Variants in DPP10 observed in about 807,000 individuals in gnomAD.
DPP10 encodes dipeptidyl peptidase like 10, also known as inactive dipeptidyl peptidase 10.
A neutral mutation model predicts 120.9 loss-of-function variants in DPP10; 33 were observed. That is an observed-to-expected ratio of 0.27 (90% CI 0.21 to 0.37). The LOEUF is 0.37. Among genes scored for constraint, DPP10 ranks in the 10% least tolerant of loss-of-function variants. The pLI is 1.00. For synonymous variants in DPP10, 337 were observed against 326.1 expected (o/e 1.03, Z -0.36); for missense variants, 816 against 942.8 (o/e 0.87, Z 1.76).
At chr2:115,493,721 G>A (rs2076247095) in intron 3 of DPP10, among the ~76,000 whole-genome samples, 1 of 152,064 alleles carries the variant, frequency 6.6e-6, no homozygotes, top group African/African-American at 2.4e-5. Context: ...ATTAAACATG[G>A]GGGAAGAACA....
At chr2:115,798,636 A>G (rs1684813296) in intron 19 of DPP10, among the ~76,000 whole-genome samples, 1 of 152,148 alleles carries the variant, frequency 6.6e-6, no homozygotes. Flanking sequence ...GTAATGTGCA[A>G]AGTTCCCTAC....
intron 1 of DPP10, among the ~76,000 whole-genome samples, chr2:114,799,597 T>C (rs12472049): frequency 0.056 from 8,467 of 152,268 alleles, 273 homozygotes; most frequent in South Asian, 0.1. Flanking sequence ...AATTTAATTA[T>C]GGAAAGGGGG....
chr2:114,529,497 G>A (rs150826726), intron 1 of DPP10, among the ~76,000 whole-genome samples: 32 of 152,220 alleles, frequency 2.1e-4, no homozygotes, highest in African/African-American at 7.5e-4. Flanking sequence ...CTTCTCCATT[G>A]TCATCTCTTG....
intron 5 of DPP10, among the ~76,000 whole-genome samples, chr2:115,638,783 C>T (rs958108012): frequency 6.6e-6 from 1 of 152,114 alleles, no homozygotes; most frequent in African/African-American, 2.4e-5. Context: ...TTTTGGTCAA[C>T]AAAACAGGAC....
intron 1 of DPP10, among the ~76,000 whole-genome samples, chr2:115,070,374 T>TTCAGAA (rs1280490561): frequency 6.6e-6 from 1 of 152,192 alleles, no homozygotes; most frequent in Non-Finnish European, 1.5e-5. Flanking sequence ...CCATCTTTGA[T>TTCAGAA]CAATGTTCAG....
intron 1 of DPP10, among the ~76,000 whole-genome samples, chr2:114,776,882 G>C (rs1453524707): frequency 1.3e-5 from 2 of 151,774 alleles, no homozygotes; most frequent in Non-Finnish European, 2.9e-5. Flanking sequence ...TATTAGAGAA[G>C]ATAATGGTAG....
intron 1 of DPP10, among the ~76,000 whole-genome samples, chr2:115,149,286 C>A (rs2051401568): frequency 6.6e-6 from 1 of 152,190 alleles, no homozygotes; most frequent in African/African-American, 2.4e-5. Flanking sequence ...TACTCTAATT[C>A]TATCCATTAT....
At chr2:115,564,818 G>A (rs1312990920) in intron 5 of DPP10, among the ~76,000 whole-genome samples, 1 of 152,094 alleles carries the variant, frequency 6.6e-6, no homozygotes, top group Non-Finnish European at 1.5e-5. Flanking sequence ...TAACATTTCT[G>A]TATTCATTTG....
At chr2:114,937,012 G>C (rs1049680020) in intron 1 of DPP10, among the ~76,000 whole-genome samples, 3 of 152,134 alleles carry the variant, frequency 2.0e-5, no homozygotes, top group East Asian at 3.9e-4. Context: ...CGGATGTATA[G>C]ATTGTGAAGA....
rs1708672945 is a variant in DPP10 at position 115,086,124 on chromosome 2, G to C, written c.61-223115G>C. ...AGATCTGCATCTGTAAAGAATCTCTGTTAACATAGCTAGATCTTTTTCTTT... is the reference window on the plus strand; with the variant it reads ...AGATCTGCATCTGTAAAGAATCTCTCTTAACATAGCTAGATCTTTTTCTTT... On this transcript the variant is annotated intron_variant, in intron 1 of 25. Coordinates refer to ENST00000410059, the MANE Select transcript of DPP10 (RefSeq NM_020868.6). Among the ~76,000 whole-genome samples, 3 of 152,178 alleles carry C rather than the reference G, an allele frequency of 2.0e-5. No homozygotes were observed. The South Asian group carries it at 6.2e-4, about 31-fold the overall frequency.
chr2:115,591,913 C>A (rs2082687519), intron 5 of DPP10, among the ~76,000 whole-genome samples: 2 of 152,120 alleles, frequency 1.3e-5, no homozygotes, highest in Admixed American at 6.5e-5. Flanking sequence ...ATTTTATTCT[C>A]TTTGAAGCAA....
chr2:115,405,667 C>A (rs189101510), intron 3 of DPP10, among the ~76,000 whole-genome samples: 76 of 152,320 alleles, frequency 5.0e-4, no homozygotes, highest in African/African-American at 1.7e-3. Context: ...TCCACTCTTG[C>A]ATTCTGCCTG....
At chr2:114,912,396 G>C (rs892645417) in intron 1 of DPP10, among the ~76,000 whole-genome samples, 10 of 152,074 alleles carry the variant, frequency 6.6e-5, no homozygotes, top group East Asian at 1.9e-4. Context: ...AGTGAAGTTT[G>C]CTATGAATAA....
At chr2:115,774,205 CACAT>C (rs1681815404) in intron 13 of DPP10, among the ~76,000 whole-genome samples, 1 of 57,070 alleles carries the variant, frequency 1.8e-5, no homozygotes, top group South Asian at 1.1e-3. Flanking sequence ...CTTTAAAACA[CACAT>C]ACACACACAC....
chr2:114,994,205 G>T (rs761861951), intron 1 of DPP10, among the ~76,000 whole-genome samples: 4 of 152,204 alleles, frequency 2.6e-5, no homozygotes, highest in South Asian at 4.2e-4. Context: ...AAATAGAAAA[G>T]AGCTTTTATA....
rs555677275 is a variant in DPP10 at position 115,303,380 on chromosome 2, C to T, written c.61-5859C>T. Among the ~76,000 whole-genome samples, 18 of 151,796 alleles carry T rather than the reference C, an allele frequency of 1.2e-4. 1 individual carries two copies. In the South Asian group the frequency reaches 3.7e-3, roughly 32 times the overall value. On this transcript the variant is annotated intron_variant, in intron 1 of 25. Coordinates refer to ENST00000410059, the MANE Select transcript of DPP10 (RefSeq NM_020868.6). ...ATCTAATATAGCTTGTAAATGTTGTCAATTATTTTTTCCAGAAGGAAAAGA... is the reference window on the plus strand; with the variant it reads ...ATCTAATATAGCTTGTAAATGTTGTTAATTATTTTTTCCAGAAGGAAAAGA...
At chr2:115,530,690 A>T (rs145073857) in intron 5 of DPP10, among the ~76,000 whole-genome samples, 1 of 148,058 alleles carries the variant, frequency 6.8e-6, no homozygotes, top group Non-Finnish European at 1.5e-5. Flanking sequence ...AAAAAAAAAA[A>T]TTAAATAAAG....
At chr2:115,684,846 CA>C (rs1471064061) in intron 5 of DPP10, among the ~76,000 whole-genome samples, 1 of 151,804 alleles carries the variant, frequency 6.6e-6, no homozygotes, top group Non-Finnish European at 1.5e-5. Context: ...ATCATGTTTC[CA>C]AAATGAAATC....
intron 1 of DPP10, among the ~76,000 whole-genome samples, chr2:115,222,138 G>C (rs574606533): frequency 6.6e-6 from 1 of 152,176 alleles, no homozygotes; most frequent in East Asian, 1.9e-4. Context: ...TACCACTTAC[G>C]GGGGAAGAAC....
Sources: allele counts gnomAD v4.1 joint callset (sites outside exome capture counted in the v4.1 genomes callset), GRCh38; gene constraint gnomAD v4.1.1; transcripts MANE v1.5; gene names NCBI Gene and HGNC (gene_info 2026-07-23, HGNC 2026-07-21).